Variants in HS3ST4 observed in about 807,000 individuals in gnomAD.
The protein encoded by HS3ST4 is heparan sulfate-glucosamine 3-sulfotransferase 4.
In HS3ST4, 17 loss-of-function variants were observed where a neutral mutation model predicts 29.2. That is an observed-to-expected ratio of 0.58 (90% CI 0.40 to 0.87). HS3ST4 has a LOEUF of 0.87. HS3ST4 is among the 40% of genes least tolerant of loss of function. The pLI, the probability that HS3ST4 is intolerant of heterozygous loss-of-function variation, is 0.00. For missense variants in HS3ST4, 627 were observed against 634.5 expected, an observed-to-expected ratio of 0.99 and a Z score of 0.13; for synonymous variants, 314 against 285.7, an observed-to-expected ratio of 1.10 and a Z score of -1.00.
intron 1 of HS3ST4, among the ~76,000 whole-genome samples, chr16:25,998,192 G>C (rs750236874): frequency 6.6e-6 from 1 of 152,054 alleles, no homozygotes; most frequent in Non-Finnish European, 1.5e-5. Flanking sequence ...GAAGTGGGAG[G>C]ATCACTTGAG....
chr16:26,119,861 G>A (rs1421578503), intron 1 of HS3ST4, among the ~76,000 whole-genome samples: 7 of 152,186 alleles, frequency 4.6e-5, no homozygotes, highest in Admixed American at 2.0e-4. Flanking sequence ...TGGACTCTAC[G>A]CAAGGCAATG....
intron 1 of HS3ST4, among the ~76,000 whole-genome samples, chr16:25,891,445 C>A (rs1181420899): frequency 5.9e-5 from 9 of 152,048 alleles, no homozygotes; most frequent in African/African-American, 2.2e-4. Flanking sequence ...AAGCAGGAAC[C>A]CTTGGAGAGA....
chr16:25,857,972 C>CTTTCTTTCTT (rs1221917032), intron 1 of HS3ST4, among the ~76,000 whole-genome samples: 2 of 40,588 alleles, frequency 4.9e-5, no homozygotes, highest in African/African-American at 1.4e-4. Context: ...TTCTTTCTTT[C>CTTTCTTTCTT]TCTTTTCTGT....
rs11863326 is a variant in HS3ST4 at position 26,005,866 on chromosome 16, G to A, written c.735-129746G>A. ...CATTGTGGGGGCTGTCCTGTCCATC[G>A]TAGGATATTTAGAAGCATCCCTGGC... is the stretch of plus-strand genomic sequence containing the variant. On this transcript the variant is annotated intron_variant, in intron 1 of 1. Transcript: ENST00000331351. Among the ~76,000 whole-genome samples, 938 of 152,202 alleles carry A rather than the reference G, an allele frequency of 6.2e-3. 12 individuals are homozygous for A. Among genetic ancestry groups the A allele is most frequent in the African/African-American group, 0.022 (905 of 41,524 alleles).
intron 1 of HS3ST4, among the ~76,000 whole-genome samples, chr16:25,892,624 A>G (rs1180025917): frequency 6.6e-6 from 1 of 152,206 alleles, no homozygotes; most frequent in Non-Finnish European, 1.5e-5. Flanking sequence ...CCCAACCAGC[A>G]TACACTAAAA....
chr16:25,877,484 C>A (rs1264727608), intron 1 of HS3ST4, among the ~76,000 whole-genome samples: 6 of 152,144 alleles, frequency 3.9e-5, no homozygotes, highest in African/African-American at 1.4e-4. Context: ...TTCAAAATCT[C>A]CATTACCTCT....
chr16:25,827,514 C>G (rs1967231467), intron 1 of HS3ST4, among the ~76,000 whole-genome samples: 1 of 123,690 alleles, frequency 8.1e-6, no homozygotes, highest in Non-Finnish European at 1.6e-5. Context: ...ATGTAATAAA[C>G]AGAATAATGC....
chr16:26,101,329 C>T (rs1018168329), intron 1 of HS3ST4, among the ~76,000 whole-genome samples: 3 of 152,218 alleles, frequency 2.0e-5, no homozygotes, highest in Admixed American at 1.3e-4. Context: ...TGACCATCCT[C>T]GTCTCTGTCA....
intron 1 of HS3ST4, among the ~76,000 whole-genome samples, chr16:26,052,498 G>A (rs1352632539): frequency 6.6e-6 from 1 of 152,098 alleles, no homozygotes; most frequent in Non-Finnish European, 1.5e-5. Context: ...AGCCTCCTGA[G>A]TAGCTGGGAT....
At chr16:26,054,097 GC>G (rs1898377394) in intron 1 of HS3ST4, among the ~76,000 whole-genome samples, 5 of 152,150 alleles carry the variant, frequency 3.3e-5, no homozygotes, top group Admixed American at 3.3e-4. Flanking sequence ...ATATGGCCGT[GC>G]CTGAGATTTA....
At chr16:26,043,831 G>A (rs1422666608) in intron 1 of HS3ST4, among the ~76,000 whole-genome samples, 4 of 152,122 alleles carry the variant, frequency 2.6e-5, no homozygotes, top group African/African-American at 9.7e-5. Flanking sequence ...TCCCCAAATT[G>A]TGCCATTCGC....
At chr16:26,124,236 G>A (rs1348223799) in intron 1 of HS3ST4, among the ~76,000 whole-genome samples, 2 of 152,098 alleles carry the variant, frequency 1.3e-5, no homozygotes, top group African/African-American at 2.4e-5. Context: ...CTTTTTAAGG[G>A]CAAGGTTTTG....
intron 1 of HS3ST4, among the ~76,000 whole-genome samples, chr16:25,909,334 A>C (rs11861052): frequency 6.6e-6 from 1 of 152,012 alleles, no homozygotes; most frequent in East Asian, 1.9e-4. Flanking sequence ...GACTACAGGC[A>C]TGCACTACCG....
intron 1 of HS3ST4, among the ~76,000 whole-genome samples, chr16:25,907,688 T>C (rs1968193038): frequency 6.6e-6 from 1 of 152,192 alleles, no homozygotes; most frequent in Non-Finnish European, 1.5e-5. Flanking sequence ...GGATTGTTCC[T>C]TCGGCACCCG....
rs567970077 is a variant in HS3ST4, at chr16:25,926,172, AT to A, written c.735-209438del. On this transcript the variant is annotated intron_variant, in intron 1 of 1. Transcript: ENST00000331351. ...CCATCACTACAATCCAACTTAGAACATTACCTTCTCCCCCAAAAGATCTTTC... is the reference window on the plus strand; with the variant it reads ...CCATCACTACAATCCAACTTAGAACATACCTTCTCCCCCAAAAGATCTTTC... Among the ~76,000 whole-genome samples the A allele has an allele frequency of 2.6e-5, 4 of 152,256 alleles. No homozygotes were observed. In the East Asian group the frequency reaches 7.7e-4, roughly 29 times the overall value.
At chr16:26,116,575 G>T (rs979743398) in intron 1 of HS3ST4, among the ~76,000 whole-genome samples, 1 of 149,728 alleles carries the variant, frequency 6.7e-6, no homozygotes, top group African/African-American at 2.4e-5. Flanking sequence ...GAAAAATATT[G>T]AGTCCATGAT....
At chr16:25,997,019 T>C (rs1364142540) in intron 1 of HS3ST4, among the ~76,000 whole-genome samples, 6 of 152,206 alleles carry the variant, frequency 3.9e-5, no homozygotes, top group Admixed American at 2.0e-4. Context: ...AAATATTTCT[T>C]TTCCTTTTCT....
rs185414358 is a variant in HS3ST4, at chr16:26,075,566, C to G, written c.735-60046C>G. Among the ~76,000 whole-genome samples, 75 of 152,322 alleles carry G rather than the reference C, an allele frequency of 4.9e-4. 1 individual carries two copies. The highest frequency in any genetic ancestry group is 4.3e-4 in the Non-Finnish European group (29 of 68,030). ...TGCATACCTCATTGCAGGATGTGGT[C>G]TTTTGCAGTTTTCTACAAATAGTGT... On this transcript the variant is annotated intron_variant, in intron 1 of 1. Transcript: ENST00000331351.
intron 1 of HS3ST4, among the ~76,000 whole-genome samples, chr16:25,988,637 C>A (rs940337530): frequency 6.6e-6 from 1 of 152,064 alleles, no homozygotes; most frequent in Non-Finnish European, 1.5e-5. Flanking sequence ...CACATGTTCT[C>A]ACTTATGAGT....
Sources: allele counts gnomAD v4.1 joint callset (sites outside exome capture counted in the v4.1 genomes callset), GRCh38; gene constraint gnomAD v4.1.1; transcripts MANE v1.5; gene names NCBI Gene and HGNC (gene_info 2026-07-23, HGNC 2026-07-21).